SLC39A11: variants seen among roughly 807,000 people sequenced by gnomAD.
SLC39A11 encodes the protein zinc transporter ZIP11.
In SLC39A11, 33 loss-of-function variants were observed where a neutral mutation model predicts 36.1. The ratio of observed to expected loss-of-function variants is 0.91; its 90% CI spans 0.69 to 1.22. The LOEUF is 1.22. SLC39A11 is among the 50% of genes most tolerant of loss of function. The pLI, the probability that SLC39A11 is intolerant of heterozygous loss-of-function variation, is 0.00. For synonymous variants in SLC39A11, 166 were observed against 170.3 expected (o/e 0.97, Z 0.20); for missense variants, 432 against 430.3 (o/e 1.00, Z -0.03).
At chr17:73,050,235 C>A (rs2059446767) in intron 3 of SLC39A11, among the ~76,000 whole-genome samples, 1 of 151,036 alleles carries the variant, frequency 6.6e-6, no homozygotes, top group South Asian at 2.1e-4. Flanking sequence ...TTGAGCTGAG[C>A]CCTGAATGGT....
chr17:72,683,333 AT>A (rs112326860), intron 7 of SLC39A11, among the ~76,000 whole-genome samples: 9,320 of 134,512 alleles, frequency 0.069, 302 homozygotes, highest in African/African-American at 0.11. Context: ...CTTGAGACTA[AT>A]TTTTTTTTTT....
chr17:73,080,237 T>C (rs951459894), intron 3 of SLC39A11, among the ~76,000 whole-genome samples: 5 of 152,136 alleles, frequency 3.3e-5, no homozygotes, highest in African/African-American at 1.2e-4. Flanking sequence ...CTTGAAACTA[T>C]ACTTTAAGAC....
intron 5 of SLC39A11, among the ~76,000 whole-genome samples, chr17:72,873,074 A>G (rs923701650): frequency 6.6e-6 from 1 of 151,868 alleles, no homozygotes; most frequent in African/African-American, 2.4e-5. Context: ...AAAAAAGAAA[A>G]AAAAAAAGAA....
Position 72,940,806 on chromosome 17 carries a change from G to T in SLC39A11, c.430+6946C>A, listed in dbSNP as rs116486667. ...CTGGAAGACAACTTCTCAAAAAATT[G>T]TTCAGCGCAACTATGGCCTGAATCA... is the stretch of plus-strand genomic sequence containing the variant. On this transcript the variant is annotated intron_variant, in intron 5 of 9. Coordinates refer to ENST00000255559, the MANE Select transcript of SLC39A11 (RefSeq NM_139177.4). Among the ~76,000 whole-genome samples the T allele has an allele frequency of 9.2e-3, 1,402 of 152,304 alleles. 22 individuals carry two copies. The highest frequency in any genetic ancestry group is 0.032 in the African/African-American group (1,317 of 41,562).
intron 7 of SLC39A11, among the ~76,000 whole-genome samples, chr17:72,688,917 G>A (rs910492414): frequency 2.6e-5 from 4 of 152,180 alleles, no homozygotes; most frequent in African/African-American, 7.2e-5. Context: ...CAAATACCAA[G>A]GTGATTTGTG....
chr17:72,913,793 G>GC (rs80059003), intron 5 of SLC39A11, among the ~76,000 whole-genome samples: 123,279 of 151,936 alleles, frequency 0.81, 50,314 homozygotes, highest in African/African-American at 0.88. Flanking sequence ...GATAGACTCT[G>GC]TATCTCAGTC....
intron 4 of SLC39A11, among the ~76,000 whole-genome samples, chr17:73,024,367 T>A: frequency 6.6e-6 from 1 of 152,250 alleles, no homozygotes; most frequent in East Asian, 1.9e-4. Context: ...AAAGGGCTAC[T>A]GTTCAATGTC....
At chr17:72,687,669 C>A (rs904358522) in intron 7 of SLC39A11, among the ~76,000 whole-genome samples, 3 of 152,164 alleles carry the variant, frequency 2.0e-5, no homozygotes, top group African/African-American at 7.2e-5. Flanking sequence ...AGATGTGGGG[C>A]AAATAGACTC....
At chr17:72,662,792 GAGGGAAGAA>G (rs1424177319) in intron 7 of SLC39A11, among the ~76,000 whole-genome samples, 2 of 151,526 alleles carry the variant, frequency 1.3e-5, no homozygotes, top group Non-Finnish European at 2.9e-5. Flanking sequence ...AGGAAGGAAG[GAGGGAAGAA>G]AGAGAAGAAA....
chr17:72,961,889 A>T (rs1053023209), intron 4 of SLC39A11, among the ~76,000 whole-genome samples: 1 of 152,358 alleles, frequency 6.6e-6, no homozygotes, highest in Non-Finnish European at 1.5e-5. Context: ...AAGTATAATA[A>T]GAAAAAAAAG....
rs80083052 is a variant in SLC39A11, at chr17:72,842,889, T to C, written c.601+6745A>G. On this transcript the variant is annotated intron_variant, in intron 6 of 9. Coordinates refer to ENST00000255559, the MANE Select transcript of SLC39A11 (RefSeq NM_139177.4). ...GTCTGCATCAGTCATTACCATTTCT[T>C]CCTAAGACATTTCAATTGCACAACT... 2.4e-4 allele frequency among the ~76,000 whole-genome samples: 37 copies of C among 152,308 alleles called. No individual in the cohort carries two copies. The East Asian group carries it at 6.8e-3, about 28-fold the overall frequency.
chr17:72,649,942 A>G (rs533886520), intron 7 of SLC39A11, among the ~76,000 whole-genome samples: 1 of 152,296 alleles, frequency 6.6e-6, no homozygotes, highest in East Asian at 1.9e-4. Context: ...ATCTACCATA[A>G]AGGATTGCTG....
At chr17:72,970,293 C>T (rs952257036) in intron 4 of SLC39A11, among the ~76,000 whole-genome samples, 1 of 152,204 alleles carries the variant, frequency 6.6e-6, no homozygotes, top group Admixed American at 6.5e-5. Flanking sequence ...TAGCTTAGAA[C>T]TTTCTGCTTC....
At chr17:72,949,143 G>GTT (rs1568004786) in intron 4 of SLC39A11, among the ~76,000 whole-genome samples, 1 of 52,546 alleles carries the variant, frequency 1.9e-5, no homozygotes, top group Non-Finnish European at 4.8e-5. Flanking sequence ...ACACTGGGCA[G>GTT]CTTTTTTTTT....
intron 6 of SLC39A11, among the ~76,000 whole-genome samples, chr17:72,750,852 C>T (rs976161836): frequency 4.6e-5 from 7 of 152,242 alleles, no homozygotes; most frequent in African/African-American, 1.2e-4. Flanking sequence ...AGGTGTCAGA[C>T]GGCAGCCTGT....
chr17:72,946,109 T>C (rs2085414199), intron 5 of SLC39A11, among the ~76,000 whole-genome samples: 2 of 152,076 alleles, frequency 1.3e-5, no homozygotes, highest in African/African-American at 4.8e-5. Context: ...GCATGAAAAA[T>C]GACAAGTTTT....
At chr17:73,086,815 A>G (rs1410170900) in intron 2 of SLC39A11, among the ~76,000 whole-genome samples, 1 of 149,954 alleles carries the variant, frequency 6.7e-6, no homozygotes, top group Non-Finnish European at 1.5e-5. Context: ...GCAAGACTCT[A>G]GCTCAAAAAA....
chr17:72,791,694 G>A (rs952445680), intron 6 of SLC39A11, among the ~76,000 whole-genome samples: 1 of 152,186 alleles, frequency 6.6e-6, no homozygotes, highest in Non-Finnish European at 1.5e-5. Flanking sequence ...GAGGGAGCTC[G>A]TGAGAGGTGA....
chr17:72,924,823 G>A (rs1318952617), intron 5 of SLC39A11, among the ~76,000 whole-genome samples: 2 of 151,974 alleles, frequency 1.3e-5, no homozygotes, highest in Non-Finnish European at 2.9e-5. Context: ...CCAACATAGT[G>A]AAACCCCGTC....
Sources: allele counts gnomAD v4.1 joint callset (sites outside exome capture counted in the v4.1 genomes callset), GRCh38; gene constraint gnomAD v4.1.1; transcripts MANE v1.5; gene names NCBI Gene and HGNC (gene_info 2026-07-23, HGNC 2026-07-21).